The following FAM83D variants were observed in gnomAD, a reference collection of about 807,000 sequenced individuals.
The protein encoded by FAM83D is scaffolding CK1 anchoring protein D.
Under a neutral mutation model 25.4 loss-of-function variants are expected in FAM83D, and 26 were observed. The observed-to-expected ratio is 1.02, with a 90% CI of 0.75 to 1.42. The LOEUF (loss-of-function observed/expected upper bound fraction) is 1.42. Ranked by LOEUF, FAM83D falls within the 40% of genes most tolerant of loss-of-function variation. The pLI, the probability that FAM83D is intolerant of heterozygous loss-of-function variation, is 0.00. For missense variants in FAM83D, 740 were observed against 758.1 expected, an observed-to-expected ratio of 0.98 and a Z score of 0.28; for synonymous variants, 310 against 318.5, an observed-to-expected ratio of 0.97 and a Z score of 0.28.
In FAM83D at chr20:38,926,912, G is replaced by C. The variant is rs901891033; in HGVS notation, c.470G>C (p.Arg157Pro). The C allele has an allele frequency of 2.7e-6, 4 of 1,461,120 alleles. No homozygotes were observed. The highest frequency in any genetic ancestry group is 2.7e-6 in the Non-Finnish European group (3 of 1,112,056). The allele number at this position is 1,461,120 out of a possible 1,614,324, so 90.5% of individuals were successfully genotyped here. A position where few individuals can be genotyped will look rare whatever the true frequency, so the allele number is the denominator to read the frequency against. Reference protein sequence around the residue: ...GCKDALRQQLRSAREVIAVVM... With the variant: ...GCKDALRQQLPSAREVIAVVM... ...AAGGACGCTCTGCGCCAGCAGCTCC[G>C]CTCGGCGCGAGAGGTGAGCGGCCCT... Residue 157 changes from arginine (R) to proline (P), a missense_variant, in exon 1 of 4, where the codon CGC becomes CCC. Coordinates refer to ENST00000619850, the MANE Select transcript of FAM83D (RefSeq NM_030919.3).
At chr20:38,941,926 C>T (rs781326677) in intron 1 of FAM83D, 33 bp from the exon 2 acceptor site, 7 of 1,611,610 alleles carry the variant, frequency 4.3e-6, no homozygotes, top group Non-Finnish European at 5.9e-6. Flanking sequence ...GTCCTATAAG[C>T]TTATCATGTG....
chr20:38,938,806 C>G (rs1299099539), intron 1 of FAM83D, among the ~76,000 whole-genome samples: 1 of 152,188 alleles, frequency 6.6e-6, no homozygotes, highest in Admixed American at 6.5e-5. Context: ...CATCTGGTCT[C>G]TAGTCCTCCT....
Position 38,926,742 on chromosome 20 carries a change from C to T in FAM83D, c.300C>T (p.Thr100=), listed in dbSNP as rs570312673. The change falls in exon 1 of 4, where the codon ACC becomes ACT. Residue 100 remains threonine (T), a synonymous_variant. Transcript: ENST00000619850. The part of the protein sequence containing the change: ...FGSSHDCSSG[T]YFPEQSDLEP... ...CCTCGCACGACTGCTCTTCGGGCAC[C>T]TACTTCCCCGAGCAGTCGGACCTGG... The T allele has an allele frequency of 1.0e-4, 159 of 1,534,842 alleles. 1 individual carries two copies. In the East Asian group the frequency reaches 3.9e-3, roughly 37 times the overall value.
intron 1 of FAM83D, among the ~76,000 whole-genome samples, chr20:38,938,971 A>T (rs1178001082): frequency 6.6e-6 from 1 of 152,132 alleles, no homozygotes; most frequent in African/African-American, 2.4e-5. Context: ...CTTCGAACTC[A>T]TTACTCTTAT....
chr20:38,940,506 T>C (rs2085697189), intron 1 of FAM83D, among the ~76,000 whole-genome samples: 1 of 152,160 alleles, frequency 6.6e-6, no homozygotes, highest in South Asian at 2.1e-4. Context: ...GTGAAACCCA[T>C]AAATGAATAA....
chr20:38,947,011 C>T (rs1327763650), intron 2 of FAM83D, among the ~76,000 whole-genome samples: 2 of 152,168 alleles, frequency 1.3e-5, no homozygotes, highest in Non-Finnish European at 2.9e-5. Flanking sequence ...TGTTGTCTCA[C>T]GGCTTGGCAC....
intron 1 of FAM83D, among the ~76,000 whole-genome samples, chr20:38,936,007 A>G (rs946936881): frequency 1.3e-5 from 2 of 152,200 alleles, no homozygotes; most frequent in Admixed American, 6.5e-5. Context: ...TGAAGGGTCA[A>G]TGGAGGCCAT....
At chr20:38,930,575 G>A (rs1162392478) in intron 1 of FAM83D, among the ~76,000 whole-genome samples, 1 of 152,066 alleles carries the variant, frequency 6.6e-6, no homozygotes, top group Non-Finnish European at 1.5e-5. Context: ...CCACCTCCTG[G>A]ATTCAAGTGA....
At chr20:38,930,227 G>A (rs1405867000) in intron 1 of FAM83D, among the ~76,000 whole-genome samples, 3 of 152,316 alleles carry the variant, frequency 2.0e-5, no homozygotes, top group Admixed American at 6.5e-5. Context: ...CTGCATCCGT[G>A]TTCTGATAGC....
chr20:38,932,437 G>A (rs2085662411), intron 1 of FAM83D, among the ~76,000 whole-genome samples: 1 of 152,198 alleles, frequency 6.6e-6, no homozygotes, highest in Admixed American at 6.5e-5. Flanking sequence ...AATACAAGCT[G>A]GCTGCTTACC....
chr20:38,952,021 C>T lies in FAM83D; in HGVS notation c.1259C>T (p.Thr420Ile), dbSNP rs771643589. The part of the protein sequence containing the change: ...QTSITTACAG[T>I]QTAVITRIAS... ...AGCATCACCACAGCATGTGCTGGTA[C>T]CCAGACTGCAGTCATCACCAGGATA... Residue 420 changes from threonine (T) to isoleucine (I), a missense_variant, in exon 4 of 4, where the codon ACC (threonine) becomes ATC (isoleucine). Physicochemically the swap from Thr to Ile is moderately conservative, Grantham distance 89. Transcript: ENST00000619850. The T allele has an allele frequency of 6.8e-6, 11 of 1,614,102 alleles. No homozygotes were observed. The highest frequency in any genetic ancestry group is 7.6e-6 in the Non-Finnish European group (9 of 1,180,040).
At chr20:38,940,348 A>G (rs982569158) in intron 1 of FAM83D, among the ~76,000 whole-genome samples, 1 of 152,140 alleles carries the variant, frequency 6.6e-6, no homozygotes, top group African/African-American at 2.4e-5. Context: ...TGTTGGAGAA[A>G]GACAGCCAAA....
At position 38,930,864 on chromosome 20, in the gene FAM83D, C is replaced by G. The variant is rs568716206; in HGVS notation, c.483+3939C>G. 8.0e-3 allele frequency among the ~76,000 whole-genome samples: 1,222 copies of G among 152,266 alleles called. 6 individuals carry two copies. The highest frequency in any genetic ancestry group is 0.014 in the Non-Finnish European group (928 of 68,012). ...TGTTGGCCAGGCTGGTCTTGATCTC[C>G]TGACCTCGCGATCTGCCTGCCTCAG... On this transcript the variant is annotated intron_variant, in intron 1 of 3. Transcript: ENST00000619850.
chr20:38,951,774 TCA>T lies in FAM83D; in HGVS notation c.1013_1014del (p.Ser338Ter). 1 of 1,614,090 alleles carries T rather than the reference TCA, an allele frequency of 6.2e-7. No homozygotes were observed. ...NLLRMRLARL[S>X]STPRKADLDP... ...GCTGCGGATGCGGCTGGCTAGGCTGTCAAGTACTCCCAGGAAGGCGGACCTGG... is the reference window on the plus strand; with the variant it reads ...GCTGCGGATGCGGCTGGCTAGGCTGTAGTACTCCCAGGAAGGCGGACCTGG... On this transcript the variant is annotated frameshift_variant, in exon 4 of 4. Transcript: ENST00000619850. LOFTEE classifies it low-confidence loss of function (END_TRUNC).
rs577717767 is a variant in FAM83D, at chr20:38,926,439, C to A, written c.-4C>A. ...TCCGAGGGCTGTCGAGTCCGAGCGC[C>A]GCCATGGCTCTGCTGTCCGAGGGCC... On this transcript the variant is annotated 5_prime_UTR_variant, in exon 1 of 4. Coordinates refer to ENST00000619850, the MANE Select transcript of FAM83D (RefSeq NM_030919.3). 10 of 1,598,236 alleles carry A rather than the reference C, an allele frequency of 6.3e-6. No individual in the cohort carries two copies. The highest frequency in any genetic ancestry group is 2.2e-5 in the South Asian group (2 of 90,926).
intron 1 of FAM83D, among the ~76,000 whole-genome samples, chr20:38,927,498 CTTTTTTTTTTT>C (rs1173092369): frequency 2.0e-5 from 2 of 101,420 alleles, no homozygotes; most frequent in Admixed American, 1.1e-4. Context: ...TCTTTCTTGT[CTTTTTTTTTTT>C]TTTTTTTTTT....
intron 3 of FAM83D, 60 bp downstream of exon 3, chr20:38,948,060 G>T (rs779280301): frequency 1.8e-4 from 288 of 1,590,534 alleles, no homozygotes; most frequent in Admixed American, 9.4e-4. Flanking sequence ...AGCATGTCAT[G>T]TAAAGGTAAA....
chr20:38,948,509 T>C (rs1217138030), intron 3 of FAM83D, among the ~76,000 whole-genome samples: 1 of 152,216 alleles, frequency 6.6e-6, no homozygotes, highest in African/African-American at 2.4e-5. Context: ...ATTATGTTTC[T>C]GACCCACCTT....
intron 3 of FAM83D, 65 bp downstream of exon 3, chr20:38,948,065 G>C: frequency 6.3e-7 from 1 of 1,581,910 alleles, no homozygotes; most frequent in South Asian, 1.1e-5. Flanking sequence ...GTCATGTAAA[G>C]GTAAAAGCCT....
Sources: allele counts gnomAD v4.1 joint callset (sites outside exome capture counted in the v4.1 genomes callset), GRCh38; gene constraint gnomAD v4.1.1; transcripts MANE v1.5; gene names NCBI Gene and HGNC (gene_info 2026-07-23, HGNC 2026-07-21).